PPFIBP2: variants seen among roughly 807,000 people sequenced by gnomAD.
PPFIBP2 encodes liprin-beta-2.
PPFIBP2 carries 118 observed loss-of-function variants against 118.3 expected under a neutral mutation model. The observed-to-expected ratio is 1.00, with a 90% CI of 0.86 to 1.16. The LOEUF is 1.16. PPFIBP2 is among the 50% of genes most tolerant of loss of function. The pLI is 0.00. For missense variants in PPFIBP2, 1,195 were observed against 1,073.1 expected, an observed-to-expected ratio of 1.11 and a Z score of -1.59; for synonymous variants, 414 against 397.4, an observed-to-expected ratio of 1.04 and a Z score of -0.50.
In PPFIBP2 at chr11:7,556,572, T is replaced by C. The variant is rs115148660; in HGVS notation, c.64+7033T>C. Among the ~76,000 whole-genome samples the C allele has an allele frequency of 1.5e-3, 235 of 152,378 alleles. 1 individual carries two copies. The highest frequency in any genetic ancestry group is 5.5e-3 in the African/African-American group (228 of 41,596). ...ATTCTCCAAATTATTGTTTTTTCAG[T>C]TGATAGCATTTTGTTTAACAGTTTT... On this transcript the variant is annotated intron_variant, in intron 2 of 23. Coordinates refer to ENST00000299492, the MANE Select transcript of PPFIBP2 (RefSeq NM_003621.5).
intron 17 of PPFIBP2, among the ~76,000 whole-genome samples, chr11:7,645,012 G>C (rs539575323): frequency 1.1e-3 from 109 of 103,450 alleles, no homozygotes; most frequent in Non-Finnish European, 1.5e-3. Context: ...GGGCGACAGA[G>C]CAAGACTCCG....
At chr11:7,564,389 C>T (rs982888940) in intron 2 of PPFIBP2, among the ~76,000 whole-genome samples, 1 of 152,104 alleles carries the variant, frequency 6.6e-6, no homozygotes, top group African/African-American at 2.4e-5. Context: ...CTCTCAGACT[C>T]CACAGCCCAC....
intron 1 of PPFIBP2, among the ~76,000 whole-genome samples, chr11:7,544,361 T>G (rs914173063): frequency 1.3e-5 from 2 of 152,200 alleles, no homozygotes; most frequent in African/African-American, 2.4e-5. Flanking sequence ...GTCCACTTCT[T>G]TCTTTCCTGG....
At chr11:7,655,401 G>C, downstream of PPFIBP2, 3 of 1,285,062 alleles carry the variant, frequency 2.3e-6, no homozygotes, top group African/African-American at 4.6e-5. Context: ...CTGCATCCAT[G>C]TGTGCTGACC....
chr11:7,655,738 C>A (rs138695138), downstream of PPFIBP2, among the ~76,000 whole-genome samples: 69 of 151,942 alleles, frequency 4.5e-4, no homozygotes, highest in African/African-American at 1.6e-3. Context: ...CGGCTGTTAG[C>A]CAAAGCCAGC....
At chr11:7,644,366 T>C (rs1485529093) in intron 17 of PPFIBP2, among the ~76,000 whole-genome samples, 2 of 152,234 alleles carry the variant, frequency 1.3e-5, no homozygotes, top group Non-Finnish European at 2.9e-5. Flanking sequence ...GGAATTATTA[T>C]AGTTTGTGAG....
intron 1 of PPFIBP2, among the ~76,000 whole-genome samples, chr11:7,528,564 T>C (rs1319331325): frequency 1.3e-5 from 2 of 152,154 alleles, no homozygotes; most frequent in Non-Finnish European, 1.5e-5. Flanking sequence ...CTAAGAGATG[T>C]TTAGCAAGAG....
At chr11:7,582,419 C>T (rs1449855078) in intron 3 of PPFIBP2, among the ~76,000 whole-genome samples, 1 of 152,176 alleles carries the variant, frequency 6.6e-6, no homozygotes, top group Non-Finnish European at 1.5e-5. Context: ...AGCTAGAATT[C>T]TGCCATCTCT....
chr11:7,649,637 C>G lies in PPFIBP2; in HGVS notation c.2104C>G (p.Arg702Gly), dbSNP rs544342098. Residue 702 changes from arginine (R) to glycine (G), a missense_variant, in exon 21 of 24, where the codon CGG (arginine) becomes GGG (glycine). Coordinates refer to ENST00000299492, the MANE Select transcript of PPFIBP2 (RefSeq NM_003621.5). ...CAAGTTCAACCCCCACTGCCTGCAC[C>G]GGCGGCCAGCTGATGAGGTGAGACC... ...VNKFNPHCLHRRPADESNLSP... is the reference protein window; with the variant it reads ...VNKFNPHCLHGRPADESNLSP... The G allele has an allele frequency of 1.2e-6, 2 of 1,614,224 alleles. No homozygotes were observed. The highest frequency in any genetic ancestry group is 2.2e-5 in the South Asian group (2 of 91,082).
intron 1 of PPFIBP2, among the ~76,000 whole-genome samples, chr11:7,525,661 TGGCAG>T (rs999340868): frequency 3.9e-5 from 6 of 152,196 alleles, no homozygotes; most frequent in African/African-American, 1.2e-4. Context: ...GGATGAGATG[TGGCAG>T]GGTTAAGTGC....
chr11:7,625,838 A>G lies in PPFIBP2; in HGVS notation c.773A>G (p.His258Arg). 1 of 1,614,238 alleles carries G rather than the reference A, an allele frequency of 6.2e-7. No homozygotes were observed. ...AAAGATGCAGAAATTGAGCGTCTGC[A>G]CAGCCAGCTCTCCCGGACAGCAGCT... The part of the protein sequence containing the change: ...ALKDAEIERL[H>R]SQLSRTAALH... The change falls in exon 8 of 24, where the codon CAC (histidine) becomes CGC (arginine). Residue 258 changes from histidine to arginine, a missense_variant. Physicochemically the swap from His to Arg is conservative, Grantham distance 29 (BLOSUM62 0). Coordinates refer to ENST00000299492, the MANE Select transcript of PPFIBP2 (RefSeq NM_003621.5).
At chr11:7,527,654 G>T (rs1261693558) in intron 1 of PPFIBP2, among the ~76,000 whole-genome samples, 1 of 152,056 alleles carries the variant, frequency 6.6e-6, no homozygotes, top group African/African-American at 2.4e-5. Flanking sequence ...GAAAGATGTT[G>T]GGGGGGCCTG....
At chr11:7,653,815 A>C (rs970595983), downstream of PPFIBP2, 1 of 1,191,300 alleles carries the variant, frequency 8.4e-7, no homozygotes, top group African/African-American at 1.6e-5. Context: ...GGTAGCTGGA[A>C]ATGGAGTCCT....
intron 6 of PPFIBP2, among the ~76,000 whole-genome samples, chr11:7,611,220 A>T (rs1186069931): frequency 3.9e-5 from 6 of 152,222 alleles, no homozygotes; most frequent in Non-Finnish European, 8.8e-5. Context: ...AATCTTTCTG[A>T]ACTTCAATTT....
At chr11:7,522,100 G>A (rs1590100663) in intron 1 of PPFIBP2, among the ~76,000 whole-genome samples, 1 of 152,174 alleles carries the variant, frequency 6.6e-6, no homozygotes, top group East Asian at 1.9e-4. Flanking sequence ...GGAGGGACAG[G>A]GAGGAACTTC....
intron 5 of PPFIBP2, among the ~76,000 whole-genome samples, chr11:7,601,412 C>T (rs1182009890): frequency 6.6e-6 from 1 of 152,176 alleles, no homozygotes; most frequent in African/African-American, 2.4e-5. Flanking sequence ...AATAATGTTT[C>T]TGTTTTGCAG....
At chr11:7,543,838 C>A (rs976177688) in intron 1 of PPFIBP2, among the ~76,000 whole-genome samples, 1 of 152,184 alleles carries the variant, frequency 6.6e-6, no homozygotes, top group African/African-American at 2.4e-5. Context: ...TCAATTGTGA[C>A]TCACTTTCTA....
At chr11:7,528,599 G>A (rs768236804) in intron 1 of PPFIBP2, among the ~76,000 whole-genome samples, 7 of 152,204 alleles carry the variant, frequency 4.6e-5, no homozygotes, top group South Asian at 2.1e-4. Flanking sequence ...GTTTGGAAGC[G>A]TGGGATGAGG....
At chr11:7,520,252 T>C (rs7481347) in intron 1 of PPFIBP2, among the ~76,000 whole-genome samples, 152,294 of 152,296 alleles carry the variant, frequency 1, 76,146 homozygotes, top group Non-Finnish European at 1. Context: ...GTGTCTCAGT[T>C]TGAGGTAGCT....
Sources: gnomAD v4.1 joint callset for allele counts (sites outside exome capture counted in the v4.1 genomes callset) on GRCh38, gnomAD v4.1.1 for gene constraint, MANE v1.5 for transcripts, NCBI Gene and HGNC (gene_info 2026-07-23, HGNC 2026-07-21) for gene names.